CFAP119: variants seen among roughly 807,000 people sequenced by gnomAD.
CFAP119 encodes cilia- and flagella-associated protein 119.
At chr16:30,760,991 C>T in the CFAP119 span, 4 of 629,418 alleles carry the variant, frequency 6.4e-6, no homozygotes, top group East Asian at 5.5e-5. Flanking sequence ...ACTCCATTTA[C>T]ATTCTGTCTT....
At chr16:30,759,643 G>A in the CFAP119 span, 1 of 1,614,048 alleles carries the variant, frequency 6.2e-7, no homozygotes, top group Non-Finnish European at 8.5e-7. Context: ...GAATGTTCCA[G>A]GGGAACTGAC....
chr16:30,759,310 A>G, the CFAP119 span: 4 of 1,612,612 alleles, frequency 2.5e-6, no homozygotes, highest in East Asian at 8.9e-5. Flanking sequence ...GGGGCGGTTG[A>G]GGGTGGCTCC....
the CFAP119 span, chr16:30,761,422 G>A: frequency 7.0e-7 from 1 of 1,427,984 alleles, no homozygotes; most frequent in Non-Finnish European, 9.6e-7. Flanking sequence ...ACACACCCCT[G>A]CCTCTCCTCG....
chr16:30,758,963 C>T, the CFAP119 span: 6 of 1,610,246 alleles, frequency 3.7e-6, no homozygotes, highest in Non-Finnish European at 5.1e-6. Flanking sequence ...ACCCTTCATT[C>T]TACACCTGCT....
chr16:30,760,234 C>T, the CFAP119 span: 1 of 1,613,556 alleles, frequency 6.2e-7, no homozygotes, highest in South Asian at 1.1e-5. Context: ...TGTGCCAGGC[C>T]CGGTTCCTCT....
chr16:30,757,648 A>C, the CFAP119 span: 1 of 1,612,004 alleles, frequency 6.2e-7, no homozygotes, highest in Non-Finnish European at 8.5e-7. Context: ...GAGGACGTGG[A>C]TGTGGCCTGC....
At chr16:30,760,927 C>CACA in the CFAP119 span, 2 of 610,850 alleles carry the variant, frequency 3.3e-6, no homozygotes, top group Admixed American at 5.8e-5. Flanking sequence ...TGGTCAAGTA[C>CACA]TCCCTGTGGC....
At chr16:30,761,323 C>T in the CFAP119 span, 16 of 1,568,890 alleles carry the variant, frequency 1.0e-5, no homozygotes, top group African/African-American at 1.8e-4. Context: ...AACTTGCCAT[C>T]TCATCTCAAG....
At chr16:30,759,767 A>G in the CFAP119 span, 1 of 1,568,500 alleles carries the variant, frequency 6.4e-7, no homozygotes, top group Admixed American at 1.9e-5. Context: ...CCTCTCTGGT[A>G]TCCATTCATT....
chr16:30,757,815 G>C, the CFAP119 span: 24 of 1,416,604 alleles, frequency 1.7e-5, no homozygotes, highest in Non-Finnish European at 2.0e-5. Context: ...CCTTGTGTGA[G>C]AGGTAGTTGG....
At chr16:30,761,706 G>C in the CFAP119 span, 1 of 1,533,622 alleles carries the variant, frequency 6.5e-7, no homozygotes, top group South Asian at 1.2e-5. Context: ...AGCTCCGACT[G>C]CACCCTCATT....
chr16:30,758,003 C>G, the CFAP119 span: 3 of 259,986 alleles, frequency 1.2e-5, no homozygotes, highest in South Asian at 2.3e-4. Flanking sequence ...ATGTAAAATG[C>G]TTAGAGCAGG....
chr16:30,761,281 G>A, the CFAP119 span: 28 of 1,611,836 alleles, frequency 1.7e-5, no homozygotes, highest in Non-Finnish European at 2.3e-5. Flanking sequence ...CTGGCCCGTA[G>A]CGAATCTCCA....
chr16:30,758,701 G>A, the CFAP119 span: 2 of 361,432 alleles, frequency 5.5e-6, no homozygotes, highest in South Asian at 5.0e-5. Context: ...GACTACAAGC[G>A]CGCACCACCA....
At chr16:30,761,470 CATA>C in the CFAP119 span, 1 of 1,522,002 alleles carries the variant, frequency 6.6e-7, no homozygotes, top group East Asian at 2.5e-5. Flanking sequence ...CGTTAGTAAG[CATA>C]ATGACAGGTG....
the CFAP119 span, chr16:30,759,012 TTGGCTC>T: frequency 3.7e-6 from 6 of 1,614,222 alleles, no homozygotes; most frequent in African/African-American, 1.3e-5. Context: ...AGATCCTCAC[TTGGCTC>T]TGGCTCTGGT....
At chr16:30,761,120 C>G in the CFAP119 span, 1 of 1,528,846 alleles carries the variant, frequency 6.5e-7, no homozygotes, top group Non-Finnish European at 9.0e-7. Flanking sequence ...ATGGGGATGC[C>G]CTGGCCACAG....
the CFAP119 span, chr16:30,757,758 G>C: frequency 2.7e-6 from 4 of 1,469,552 alleles, no homozygotes; most frequent in Non-Finnish European, 3.6e-6. Flanking sequence ...CCCTGGTGGG[G>C]ATATAGAGGT....
chr16:30,761,227 CGGCTGCGGA>C, the CFAP119 span: 9 of 1,613,758 alleles, frequency 5.6e-6, no homozygotes, highest in South Asian at 8.8e-5. Context: ...GGGGCAGCGG[CGGCTGCGGA>C]AAGAAAGCGA....
Sources: gnomAD v4.1 joint callset for allele counts on GRCh38, gnomAD v4.1.1 for gene constraint, MANE v1.5 for transcripts, NCBI Gene and HGNC (gene_info 2026-07-23, HGNC 2026-07-21) for gene names.